NUB1: variants seen among roughly 807,000 people sequenced by gnomAD.
The protein encoded by NUB1 is negative regulator of ubiquitin like proteins 1, also known as NEDD8 ultimate buster 1.
NUB1 carries 41 observed loss-of-function variants against 77.1 expected under a neutral mutation model. The observed-to-expected ratio is 0.53, with a 90% confidence interval of 0.41 to 0.69. The LOEUF (loss-of-function observed/expected upper bound fraction) is 0.69, where lower values mean the gene tolerates loss of function less well. Among genes scored for constraint, NUB1 ranks in the 30% least tolerant of loss-of-function variants. The pLI is 0.00. For missense variants in NUB1, 643 were observed against 743.8 expected (o/e 0.86, Z 1.58); for synonymous variants, 257 against 281.0 (o/e 0.91, Z 0.85).
chr7:151,347,319 T>C (rs1796545735), intron 2 of NUB1, among the ~76,000 whole-genome samples: 1 of 152,032 alleles, frequency 6.6e-6, no homozygotes. Flanking sequence ...GGAGGATCAC[T>C]TGAACCCGGG....
intron 12 of NUB1, among the ~76,000 whole-genome samples, 192 bp from the exon 13 acceptor site, chr7:151,375,656 C>G (rs1026156185): frequency 3.3e-5 from 5 of 152,346 alleles, no homozygotes; most frequent in Non-Finnish European, 4.4e-5. Flanking sequence ...TCTTGCTCCT[C>G]CTTCAAACCC....
chr7:151,343,907 C>G (rs542235287), intron 1 of NUB1, among the ~76,000 whole-genome samples: 53 of 152,060 alleles, frequency 3.5e-4, no homozygotes, highest in African/African-American at 1.3e-3. Context: ...TAGGGCCAGG[C>G]GCGGTGGCTC....
At position 151,352,824 on chromosome 7, in the gene NUB1, C is replaced by T; in HGVS notation, c.357C>T (p.Thr119=). ...TTTTATTTTACAGAATAGCTGAAACCTTTGGACTTCAAGAAAATTATATCA... is the reference window on the plus strand; with the variant it reads ...TTTTATTTTACAGAATAGCTGAAACTTTTGGACTTCAAGAAAATTATATCA... ...GRELRSKIAE[T]FGLQENYIKI... The change falls in exon 5 of 15, where the codon ACC becomes ACT. Residue 119 remains threonine (T), a synonymous_variant. Coordinates refer to ENST00000568733, the MANE Select transcript of NUB1 (RefSeq NM_001243351.2). The T allele has an allele frequency of 6.4e-7, 1 of 1,552,948 alleles. No homozygotes were observed. The highest frequency in any genetic ancestry group is 1.7e-4 in the Middle Eastern group (1 of 5,930).
At chr7:151,352,618 A>C (rs1584942915) in intron 4 of NUB1, among the ~76,000 whole-genome samples, 194 bp from the exon 5 acceptor site, 1 of 152,090 alleles carries the variant, frequency 6.6e-6, no homozygotes, top group Admixed American at 6.5e-5. Flanking sequence ...AATTTTTAAA[A>C]ATTTTTTGTA....
chr7:151,348,569 C>CTTTTTTTTTTTT lies in NUB1; in HGVS notation c.118-491_118-480dup, dbSNP rs59781719. 7.7e-4 allele frequency among the ~76,000 whole-genome samples: 54 copies of CTTTTTTTTTTTT among 69,924 alleles called. 4 individuals are homozygous for CTTTTTTTTTTTT. Among genetic ancestry groups the CTTTTTTTTTTTT allele is most frequent in the Non-Finnish European group, 1.1e-3 (45 of 40,338 alleles). The allele number at this position is 69,924 out of a possible 152,430, so 45.9% of individuals were successfully genotyped here. On this transcript the variant is annotated intron_variant, in intron 2 of 14. Transcript: ENST00000568733. ...AAATGTTTTTGTTTTTTGCTTTTTG[C>CTTTTTTTTTTTT]TTTTTTTTTTTTTTTTTTTTTTTTG...
chr7:151,377,457 C>T lies in NUB1; in HGVS notation c.*232C>T, dbSNP rs960063805. 5 of 360,142 alleles carry T rather than the reference C, an allele frequency of 1.4e-5. No homozygotes were observed. The highest frequency in any genetic ancestry group is 4.6e-5 in the Admixed American group (1 of 21,552). The allele number at this position is 360,142 out of a possible 1,614,324, so 22.3% of individuals were successfully genotyped here. On this transcript the variant is annotated 3_prime_UTR_variant, in exon 15 of 15. Transcript: ENST00000568733. ...CCGTTCCATCTGCCTCCCAGGTCTG[C>T]GTCCCTAACCCCTTCCCCAGCTTGG...
At chr7:151,342,694 AT>A (rs966464146) in intron 1 of NUB1, among the ~76,000 whole-genome samples, 22 of 151,694 alleles carry the variant, frequency 1.5e-4, no homozygotes, top group African/African-American at 4.8e-4. Context: ...CAGTGGTTTA[AT>A]TTTTTTTTAA....
In NUB1 at chr7:151,342,828, A is replaced by T. The variant is rs569349296; in HGVS notation, c.-3+982A>T. Among the ~76,000 whole-genome samples the T allele has an allele frequency of 2.6e-5, 4 of 152,150 alleles. No homozygotes were observed. In the East Asian group the frequency reaches 7.7e-4, roughly 29 times the overall value. Reference sequence around the variant, plus strand: ...GTGGTGGCTTGGATGGCATCTTTTTAAAAATTTTTTATTTGTTTATTTTTT... The same window carrying T: ...GTGGTGGCTTGGATGGCATCTTTTTTAAAATTTTTTATTTGTTTATTTTTT... On this transcript the variant is annotated intron_variant, in intron 1 of 14. Transcript: ENST00000568733.
rs201382588 is a variant in NUB1 at position 151,376,612 on chromosome 7, T to C, written c.1492-22T>C. ...GAAGAGGCGCCAGGGGCTGATGCTGTGACCCCTGCGCTCTCCCCTAGTTGG... is the reference window on the plus strand; with the variant it reads ...GAAGAGGCGCCAGGGGCTGATGCTGCGACCCCTGCGCTCTCCCCTAGTTGG... On this transcript the variant is annotated intron_variant, in intron 13 of 14. Transcript: ENST00000568733. 214 of 1,581,766 alleles carry C rather than the reference T, an allele frequency of 1.4e-4. 1 individual carries two copies. The Middle Eastern group carries it at 2.3e-3, about 17-fold the overall frequency.
chr7:151,343,956 C>T (rs377161931), intron 1 of NUB1, among the ~76,000 whole-genome samples: 22 of 151,802 alleles, frequency 1.4e-4, no homozygotes, highest in African/African-American at 3.9e-4. Flanking sequence ...CCGAGGCGGG[C>T]GGATCACAAG....
chr7:151,347,456 AT>A (rs1200324553), intron 2 of NUB1, among the ~76,000 whole-genome samples: 4 of 151,714 alleles, frequency 2.6e-5, no homozygotes, highest in Admixed American at 2.0e-4. Flanking sequence ...TACTTACAAA[AT>A]TTTTTTTCCT....
chr7:151,372,848 C>T (rs1798025450), intron 11 of NUB1, among the ~76,000 whole-genome samples: 1 of 152,092 alleles, frequency 6.6e-6, no homozygotes, highest in Non-Finnish European at 1.5e-5. Context: ...GGGCATGAGA[C>T]AGGCCTGGTG....
At chr7:151,351,570 G>C (rs1584941250) in intron 4 of NUB1, 88 bp downstream of exon 4, 2 of 864,202 alleles carry the variant, frequency 2.3e-6, no homozygotes, top group East Asian at 5.3e-5. Context: ...TCTTAAGATA[G>C]GTAGGGCAGG....
rs539042421 is a variant in NUB1, at chr7:151,366,553, C to G, written c.801-386C>G. Among the ~76,000 whole-genome samples, 299 of 152,284 alleles carry G rather than the reference C, an allele frequency of 2.0e-3. 2 individuals are homozygous for G. The highest frequency in any genetic ancestry group is 7.1e-3 in the African/African-American group (297 of 41,546). ...AAAGAAAGAAAGAAAGAACGTTGCT[C>G]TGGCCCAGGTGATGCTGATTTGCAG... On this transcript the variant is annotated intron_variant, in intron 8 of 14. Transcript: ENST00000568733.
chr7:151,353,868 T>A (rs1796938079), intron 5 of NUB1, among the ~76,000 whole-genome samples: 1 of 152,234 alleles, frequency 6.6e-6, no homozygotes, highest in Non-Finnish European at 1.5e-5. Context: ...TCCAGCGTCA[T>A]CTCTAGCAAT....
At chr7:151,353,299 G>T (rs560563423) in intron 5 of NUB1, among the ~76,000 whole-genome samples, 4 of 152,308 alleles carry the variant, frequency 2.6e-5, no homozygotes, top group Admixed American at 1.3e-4. Flanking sequence ...GGAAGGTCCA[G>T]TGTGGCTGTG....
chr7:151,369,575 A>G (rs951280738), intron 11 of NUB1, among the ~76,000 whole-genome samples: 2 of 152,242 alleles, frequency 1.3e-5, no homozygotes, highest in Non-Finnish European at 2.9e-5. Flanking sequence ...ATCATTTGAA[A>G]CAATTAAGTA....
chr7:151,375,168 C>G (rs1412812625), intron 12 of NUB1, among the ~76,000 whole-genome samples: 1 of 152,154 alleles, frequency 6.6e-6, no homozygotes, highest in African/African-American at 2.4e-5. Context: ...CCGGAAGGCT[C>G]CACAAGTCAG....
At chr7:151,367,160 G>A in intron 9 of NUB1, 35 bp downstream of exon 9, 1 of 1,543,300 alleles carries the variant, frequency 6.5e-7, no homozygotes, top group South Asian at 1.2e-5. Context: ...GTCTCGTTGA[G>A]TCCATTTCTA....
Sources: allele counts gnomAD v4.1 joint callset (sites outside exome capture counted in the v4.1 genomes callset), GRCh38; gene constraint gnomAD v4.1.1; transcripts MANE v1.5; gene names NCBI Gene and HGNC (gene_info 2026-07-23, HGNC 2026-07-21).